The following EYS variants were observed in gnomAD, a reference collection of about 807,000 sequenced individuals.
EYS encodes the protein protein eyes shut homolog.
A neutral mutation model predicts 282.1 loss-of-function variants in EYS; 250 were observed. The observed-to-expected ratio is 0.89, with a 90% confidence interval of 0.80 to 0.98. The LOEUF (loss-of-function observed/expected upper bound fraction) is 0.98, where lower values mean the gene tolerates loss of function less well. Ranked by LOEUF, EYS falls within the 50% of genes least tolerant of loss-of-function variation. The pLI is 0.00. For missense variants in EYS, 4,016 were observed against 3,709.0 expected (o/e 1.08, Z -2.15); for synonymous variants, 1,355 against 1,282.9 (o/e 1.06, Z -1.20).
At chr6:65,504,609 T>A (rs1440463133) in intron 2 of EYS, among the ~76,000 whole-genome samples, 4 of 151,620 alleles carry the variant, frequency 2.6e-5, no homozygotes, top group Non-Finnish European at 5.9e-5. Context: ...CCAGATTAGT[T>A]GTTAAATTTT....
intron 19 of EYS, among the ~76,000 whole-genome samples, chr6:64,835,432 A>G (rs141125730): frequency 6.6e-6 from 1 of 151,836 alleles, no homozygotes; most frequent in Non-Finnish European, 1.5e-5. Flanking sequence ...ATTCCTCACA[A>G]TGTTATAGAC....
chr6:64,958,014 C>T (rs189370933), intron 14 of EYS, among the ~76,000 whole-genome samples: 53 of 152,078 alleles, frequency 3.5e-4, no homozygotes, highest in Admixed American at 2.8e-3. Context: ...TTCTGTAAAA[C>T]TTCTAATATT....
intron 22 of EYS, among the ~76,000 whole-genome samples, chr6:64,691,245 G>T (rs577644842): frequency 1.3e-5 from 2 of 152,106 alleles, no homozygotes; most frequent in South Asian, 4.2e-4. Context: ...CACGAACAGG[G>T]CATGGATGAC....
At chr6:64,873,814 T>C (rs941768315) in intron 19 of EYS, among the ~76,000 whole-genome samples, 3 of 151,968 alleles carry the variant, frequency 2.0e-5, no homozygotes, top group African/African-American at 7.2e-5. Context: ...ATATATACAA[T>C]TACTATGTGT....
intron 5 of EYS, among the ~76,000 whole-genome samples, chr6:65,436,134 T>C (rs544594245): frequency 2.0e-4 from 31 of 152,154 alleles, no homozygotes; most frequent in African/African-American, 7.0e-4. Flanking sequence ...CAAAGAAAAC[T>C]ATCAATGTAA....
At chr6:64,385,781 T>G (rs1351377491) in intron 29 of EYS, among the ~76,000 whole-genome samples, 1 of 129,122 alleles carries the variant, frequency 7.7e-6, no homozygotes, top group South Asian at 2.7e-4. Context: ...CTCAGAATAT[T>G]ACAATTTGAT....
At chr6:65,218,461 G>A (rs957243737) in intron 12 of EYS, among the ~76,000 whole-genome samples, 1 of 152,080 alleles carries the variant, frequency 6.6e-6, no homozygotes, top group African/African-American at 2.4e-5. Flanking sequence ...GGATATGTGA[G>A]TTTCTTCAGC....
At chr6:64,586,282 G>C (rs1051941344) in intron 26 of EYS, among the ~76,000 whole-genome samples, 1 of 152,010 alleles carries the variant, frequency 6.6e-6, no homozygotes, top group African/African-American at 2.4e-5. Context: ...CTGGAACCTT[G>C]ATCTAGAACT....
chr6:64,608,151 G>A (rs1211874008), intron 24 of EYS, among the ~76,000 whole-genome samples: 1 of 152,058 alleles, frequency 6.6e-6, no homozygotes, highest in Admixed American at 6.6e-5. Flanking sequence ...GTGCTTAGTT[G>A]TGATTAACAC....
At chr6:64,191,562 G>A (rs1330375416) in intron 31 of EYS, among the ~76,000 whole-genome samples, 2 of 150,664 alleles carry the variant, frequency 1.3e-5, no homozygotes, top group Non-Finnish European at 2.9e-5. Flanking sequence ...CCCACCTATG[G>A]GTGAGAATAT....
intron 35 of EYS, among the ~76,000 whole-genome samples, chr6:63,954,374 C>T (rs1765723148): frequency 6.6e-6 from 1 of 152,218 alleles, no homozygotes; most frequent in Admixed American, 6.5e-5. Flanking sequence ...ATTGCCTTAG[C>T]TCAGGCCCTC....
intron 16 of EYS, among the ~76,000 whole-genome samples, chr6:64,906,163 C>T (rs1283735425): frequency 1.3e-5 from 2 of 149,922 alleles, no homozygotes; most frequent in African/African-American, 2.4e-5. Context: ...AATAATTAAC[C>T]AATATAAGAA....
chr6:65,141,910 A>G (rs1044785021), intron 12 of EYS, among the ~76,000 whole-genome samples: 6 of 152,000 alleles, frequency 3.9e-5, no homozygotes, highest in African/African-American at 1.4e-4. Flanking sequence ...AAGCAGATCT[A>G]CTCTAAAAAA....
At chr6:64,315,287 C>T (rs371656942) in intron 29 of EYS, among the ~76,000 whole-genome samples, 1 of 152,162 alleles carries the variant, frequency 6.6e-6, no homozygotes, top group Admixed American at 6.5e-5. Flanking sequence ...AGCCTACCAA[C>T]CAAAAACGTC....
chr6:64,455,481 A>G (rs1440760822), intron 26 of EYS, among the ~76,000 whole-genome samples: 2 of 151,996 alleles, frequency 1.3e-5, no homozygotes, highest in Non-Finnish European at 2.9e-5. Context: ...CTATGTGCTG[A>G]ACATGCAGGT....
At chr6:65,317,830 CTTTCTTTCTTT>C (rs1769345512) in intron 11 of EYS, among the ~76,000 whole-genome samples, 1,053 of 77,992 alleles carry the variant, frequency 0.014, 8 homozygotes, top group East Asian at 0.035. Flanking sequence ...TCCTTCCTTT[CTTTCTTTCTTT>C]CTTTCTTTCT....
At chr6:65,408,959 T>G (rs565575362) in intron 5 of EYS, among the ~76,000 whole-genome samples, 2 of 152,182 alleles carry the variant, frequency 1.3e-5, no homozygotes, top group Non-Finnish European at 2.9e-5. Flanking sequence ...TCTTCTTTAC[T>G]CTCAGGTTAT....
At chr6:64,888,144 GA>G (rs1261493313) in intron 18 of EYS, among the ~76,000 whole-genome samples, 1 of 151,894 alleles carries the variant, frequency 6.6e-6, no homozygotes. Context: ...GGGGAGAGGG[GA>G]TAGGAAAGAT....
At chr6:65,310,351 C>G (rs1183224921) in intron 11 of EYS, among the ~76,000 whole-genome samples, 1 of 151,958 alleles carries the variant, frequency 6.6e-6, no homozygotes, top group African/African-American at 2.4e-5. Flanking sequence ...CTAAATCTAT[C>G]TATCTAGCTA....
Sources: gnomAD v4.1 joint callset for allele counts (sites outside exome capture counted in the v4.1 genomes callset) on GRCh38, gnomAD v4.1.1 for gene constraint, MANE v1.5 for transcripts, NCBI Gene and HGNC (gene_info 2026-07-23, HGNC 2026-07-21) for gene names.